The following RAB6A variants were observed in gnomAD, a reference collection of about 807,000 sequenced individuals.
RAB6A encodes RAB6A, member RAS oncogene family.
RAB6A carries 8 observed loss-of-function variants against 32.3 expected under a neutral mutation model. The ratio of observed to expected loss-of-function variants is 0.25; its 90% CI spans 0.15 to 0.45. RAB6A has a LOEUF of 0.45. Among genes scored for constraint, RAB6A ranks in the 20% least tolerant of loss-of-function variants. The pLI is 1.00. For synonymous variants in RAB6A, 73 were observed against 82.1 expected (o/e 0.89, Z 0.60); for missense variants, 104 against 249.4 (o/e 0.42, Z 3.93).
At chr11:73,720,994 T>C (rs897539257) in intron 2 of RAB6A, 95 bp from the exon 3 acceptor site, 3 of 898,214 alleles carry the variant, frequency 3.3e-6, no homozygotes, top group Middle Eastern at 4.9e-4. Flanking sequence ...GAAGAAATAA[T>C]GAATAAACAA....
At chr11:73,711,883 G>A (rs1945963114) in intron 5 of RAB6A, among the ~76,000 whole-genome samples, 1 of 152,164 alleles carries the variant, frequency 6.6e-6, no homozygotes, top group African/African-American at 2.4e-5. Flanking sequence ...GCAAGACAGA[G>A]CTTCTTTTCA....
intron 6 of RAB6A, among the ~76,000 whole-genome samples, chr11:73,689,554 ATC>A (rs769939925): frequency 2.6e-5 from 4 of 152,116 alleles, no homozygotes; most frequent in Non-Finnish European, 5.9e-5. Flanking sequence ...ACAACCTTTT[ATC>A]TTAGCCTAGA....
chr11:73,679,354 G>C (rs1202739980), intron 7 of RAB6A, among the ~76,000 whole-genome samples: 1 of 152,144 alleles, frequency 6.6e-6, no homozygotes, highest in Non-Finnish European at 1.5e-5. Flanking sequence ...AAAAAGCCTA[G>C]AGTCAATGGG....
intron 1 of RAB6A, among the ~76,000 whole-genome samples, chr11:73,750,890 C>G (rs2562): frequency 0.028 from 4,226 of 152,080 alleles, 59 homozygotes; most frequent in Middle Eastern, 0.034. Flanking sequence ...AATCAAGACT[C>G]ACAGTAGCCT....
intron 6 of RAB6A, among the ~76,000 whole-genome samples, chr11:73,694,199 G>C (rs4944026): frequency 6.6e-6 from 1 of 152,156 alleles, no homozygotes; most frequent in South Asian, 2.1e-4. Context: ...CAATGCTGTA[G>C]TAACAATTTT....
intron 6 of RAB6A, among the ~76,000 whole-genome samples, chr11:73,688,659 A>C (rs1334954183): frequency 1.3e-5 from 2 of 152,220 alleles, no homozygotes; most frequent in Non-Finnish European, 1.5e-5. Context: ...AAATCAAAAT[A>C]TCTTACCCCC....
At chr11:73,705,316 G>C (rs1030845132) in intron 6 of RAB6A, among the ~76,000 whole-genome samples, 1 of 152,196 alleles carries the variant, frequency 6.6e-6, no homozygotes, top group African/African-American at 2.4e-5. Flanking sequence ...GGGAGACAGA[G>C]GCAGGCAGAT....
intron 1 of RAB6A, among the ~76,000 whole-genome samples, chr11:73,747,905 C>T (rs1007793587): frequency 2.6e-5 from 4 of 152,168 alleles, no homozygotes; most frequent in Non-Finnish European, 5.9e-5. Flanking sequence ...TACATAATGG[C>T]CCATTATCTT....
chr11:73,690,144 CCATT>C (rs1369406700), intron 6 of RAB6A, among the ~76,000 whole-genome samples: 1 of 152,124 alleles, frequency 6.6e-6, no homozygotes, highest in African/African-American at 2.4e-5. Context: ...ATTAACTACC[CCATT>C]ATTACAGCTT....
At chr11:73,740,388 A>C (rs1251465510) in intron 1 of RAB6A, among the ~76,000 whole-genome samples, 1 of 152,220 alleles carries the variant, frequency 6.6e-6, no homozygotes. Context: ...AGCTGCAAGC[A>C]AACCTCACTG....
intron 1 of RAB6A, among the ~76,000 whole-genome samples, chr11:73,733,306 T>A (rs779812799): frequency 6.6e-6 from 1 of 152,124 alleles, no homozygotes; most frequent in Non-Finnish European, 1.5e-5. Context: ...CCCAACACTT[T>A]GGGAGGCTGA....
intron 5 of RAB6A, among the ~76,000 whole-genome samples, chr11:73,711,656 G>A (rs1260854036): frequency 6.6e-6 from 1 of 152,180 alleles, no homozygotes; most frequent in African/African-American, 2.4e-5. Flanking sequence ...GGGATTTCCA[G>A]GTCAAAGGCT....
At chr11:73,719,460 G>T (rs4944861) in intron 3 of RAB6A, among the ~76,000 whole-genome samples, 15,217 of 151,566 alleles carry the variant, frequency 0.1, 862 homozygotes, top group South Asian at 0.27. Flanking sequence ...GCATGCACGC[G>T]TGTGTGTGTA....
At chr11:73,710,729 T>A (rs1400744450) in intron 5 of RAB6A, among the ~76,000 whole-genome samples, 1 of 150,314 alleles carries the variant, frequency 6.7e-6, no homozygotes, top group East Asian at 2.0e-4. Flanking sequence ...AGAGAGAGAC[T>A]CAGTCTTGAA....
intron 6 of RAB6A, among the ~76,000 whole-genome samples, chr11:73,681,971 G>C (rs1426071760): frequency 6.6e-6 from 1 of 152,074 alleles, no homozygotes; most frequent in Non-Finnish European, 1.5e-5. Flanking sequence ...ACCAAAATTA[G>C]GCTTTACCCC....
intron 2 of RAB6A, 30 bp from the exon 3 acceptor site, chr11:73,720,929 T>C: frequency 2.0e-6 from 3 of 1,496,150 alleles, no homozygotes; most frequent in Non-Finnish European, 2.8e-6. Context: ...AGTTAACAAA[T>C]AATAAGTTTA....
intron 1 of RAB6A, among the ~76,000 whole-genome samples, chr11:73,744,340 A>AC (rs1243829868): frequency 7.0e-6 from 1 of 143,350 alleles, no homozygotes; most frequent in Non-Finnish European, 1.5e-5. Flanking sequence ...TCCATCTCAA[A>AC]AAAAAAAAAA....
At chr11:73,689,690 G>C (rs574085237) in intron 6 of RAB6A, among the ~76,000 whole-genome samples, 33 of 152,128 alleles carry the variant, frequency 2.2e-4, no homozygotes, top group Non-Finnish European at 4.4e-4. Context: ...ACTTTGGGTT[G>C]TCCTACCTTT....
chr11:73,725,861 A>C (rs566948385), intron 2 of RAB6A, among the ~76,000 whole-genome samples: 51 of 152,336 alleles, frequency 3.3e-4, no homozygotes, highest in Middle Eastern at 3.4e-3. Context: ...GTTTAAAAAC[A>C]ACATGGAAGG....
Sources: gnomAD v4.1 joint callset for allele counts (sites outside exome capture counted in the v4.1 genomes callset) on GRCh38, gnomAD v4.1.1 for gene constraint, MANE v1.5 for transcripts, NCBI Gene and HGNC (gene_info 2026-07-23, HGNC 2026-07-21) for gene names.